The following DENND4C variants were observed in gnomAD, a reference collection of about 807,000 sequenced individuals.
DENND4C encodes the protein DENN domain-containing protein 4C.
In DENND4C, 108 loss-of-function variants were observed where a neutral mutation model predicts 203.0. The observed-to-expected ratio is 0.53, with a 90% confidence interval of 0.46 to 0.62. The LOEUF (loss-of-function observed/expected upper bound fraction) is 0.62, where lower values mean the gene tolerates loss of function less well. DENND4C is among the 20% of genes least tolerant of loss of function. DENND4C has a pLI of 0.00. For synonymous variants in DENND4C, 871 were observed against 792.4 expected (o/e 1.10, Z -1.67); for missense variants, 2,481 against 2,301.2 (o/e 1.08, Z -1.60).
At chr9:19,231,598 G>A (rs1399448671) in intron 1 of DENND4C, among the ~76,000 whole-genome samples, 1 of 149,996 alleles carries the variant, frequency 6.7e-6, no homozygotes, top group African/African-American at 2.5e-5. Flanking sequence ...CTCGAAGACC[G>A]TCTTTTATCT....
chr9:19,291,219 T>C (rs1292738748), intron 5 of DENND4C: 1 of 172,096 alleles, frequency 5.8e-6, no homozygotes, highest in African/African-American at 2.4e-5. Flanking sequence ...GACATTGAAA[T>C]GACAGAATGA....
intron 30 of DENND4C, among the ~76,000 whole-genome samples, chr9:19,368,176 CTA>C (rs1321187116): frequency 1.3e-5 from 2 of 151,332 alleles, no homozygotes; most frequent in African/African-American, 4.9e-5. Flanking sequence ...TATTCAAAGT[CTA>C]TCATTTAGCA....
intron 23 of DENND4C, 87 bp from the exon 24 acceptor site, chr9:19,350,615 G>C (rs1823877295): frequency 1.7e-6 from 2 of 1,143,090 alleles, no homozygotes; most frequent in Non-Finnish European, 2.4e-6. Flanking sequence ...GGATTATAGA[G>C]TTTAATTTTG....
rs754237209 is a variant in DENND4C, at chr9:19,300,236, G to T, written c.1216G>T (p.Ala406Ser). The change falls in exon 9 of 33, where the codon GCA becomes TCA. Residue 406 changes from alanine to serine, a missense_variant. This residue lies in a region of DENND4C where 2,289 missense variants were observed against 2,113.3 expected (regional missense o/e 1.08). Coordinates refer to ENST00000434457, the MANE Select transcript of DENND4C (RefSeq NM_001330640.2). ...AATGAATCTGGGTCCTGAGAATTGTGCAACACTGCTGCTCTTTGTTTTACT... is the reference window on the plus strand; with the variant it reads ...AATGAATCTGGGTCCTGAGAATTGTTCAACACTGCTGCTCTTTGTTTTACT... ...LLMNLGPENC[A>S]TLLLFVLLES... 5.6e-6 allele frequency: 9 copies of T among 1,612,806 alleles called. No individual in the cohort carries two copies. Among genetic ancestry groups the T allele is most frequent in the Non-Finnish European group, 5.1e-6 (6 of 1,179,094 alleles).
intron 1 of DENND4C, among the ~76,000 whole-genome samples, chr9:19,266,318 T>C (rs183192091): frequency 6.6e-6 from 1 of 152,334 alleles, no homozygotes; most frequent in Admixed American, 6.5e-5. Context: ...TGATTTTTTC[T>C]TGTAAATTTG....
At chr9:19,251,148 A>G (rs1396545082) in intron 1 of DENND4C, among the ~76,000 whole-genome samples, 4 of 152,142 alleles carry the variant, frequency 2.6e-5, no homozygotes, top group African/African-American at 7.2e-5. Flanking sequence ...AGGCATTTCC[A>G]TACATCCTCT....
At position 19,346,830 on chromosome 9, in the gene DENND4C, CTT is replaced by C; in HGVS notation, c.4064_4065del (p.Phe1355TyrfsTer14). 1 of 1,614,190 alleles carries C rather than the reference CTT, an allele frequency of 6.2e-7. No individual in the cohort carries two copies. The highest frequency in any genetic ancestry group is 8.5e-7 in the Non-Finnish European group (1 of 1,180,038). ...TCACCTGCAGTGTCCAGGTCTAAAA[CTT>C]TTACTGGGCGTTTCAAGCAGCAAAC... On this transcript the variant is annotated frameshift_variant, in exon 23 of 33. Coordinates refer to ENST00000434457, the MANE Select transcript of DENND4C (RefSeq NM_001330640.2). LOFTEE classifies it high-confidence loss of function.
chr9:19,305,863 C>G (rs1839548316), intron 10 of DENND4C, among the ~76,000 whole-genome samples: 1 of 152,134 alleles, frequency 6.6e-6, no homozygotes, highest in Non-Finnish European at 1.5e-5. Context: ...GGGTTTAATT[C>G]AAAATCCATA....
intron 1 of DENND4C, among the ~76,000 whole-genome samples, chr9:19,232,361 G>T (rs748241300): frequency 1.6e-4 from 25 of 152,052 alleles, no homozygotes; most frequent in Non-Finnish European, 3.2e-4. Context: ...ATAGTTTATT[G>T]AGATTAGGGG....
chr9:19,313,362 A>T (rs1004183045), intron 10 of DENND4C, among the ~76,000 whole-genome samples: 1 of 152,206 alleles, frequency 6.6e-6, no homozygotes. Flanking sequence ...AGCCCTGTAT[A>T]TTAGGTACAT....
intron 10 of DENND4C, among the ~76,000 whole-genome samples, chr9:19,312,775 G>T (rs6475320): frequency 0.84 from 128,263 of 152,182 alleles, 54,262 homozygotes; most frequent in East Asian, 0.99. Flanking sequence ...GTTCTGCAGT[G>T]AAATGAATAC....
chr9:19,289,329 T>G (rs1835813114), intron 4 of DENND4C, among the ~76,000 whole-genome samples: 1 of 152,222 alleles, frequency 6.6e-6, no homozygotes, highest in Non-Finnish European at 1.5e-5. Context: ...ACTGGAATAC[T>G]TCTTTGTGAA....
At chr9:19,323,965 C>G (rs573388033) in intron 12 of DENND4C, among the ~76,000 whole-genome samples, 4 of 152,254 alleles carry the variant, frequency 2.6e-5, no homozygotes, top group African/African-American at 9.6e-5. Context: ...CATTATGCCA[C>G]AAGTGGAAAA....
intron 26 of DENND4C, among the ~76,000 whole-genome samples, chr9:19,354,152 C>G (rs2132110336): frequency 6.6e-6 from 1 of 152,230 alleles, no homozygotes; most frequent in East Asian, 1.9e-4. Context: ...ATATGTACAT[C>G]TAGTTTATTC....
At chr9:19,297,549 T>C (rs1837711905) in intron 6 of DENND4C, among the ~76,000 whole-genome samples, 1 of 152,178 alleles carries the variant, frequency 6.6e-6, no homozygotes, top group South Asian at 2.1e-4. Flanking sequence ...ATATAATCAA[T>C]ATTTTTTTCA....
chr9:19,256,275 A>G (rs1342486906), intron 1 of DENND4C, among the ~76,000 whole-genome samples: 3 of 145,028 alleles, frequency 2.1e-5, no homozygotes, highest in Non-Finnish European at 4.6e-5. Context: ...TTTTAAAAAA[A>G]TTTTTCTTTT....
chr9:19,363,956 A>C (rs911720084), intron 30 of DENND4C, among the ~76,000 whole-genome samples: 2 of 151,984 alleles, frequency 1.3e-5, no homozygotes, highest in African/African-American at 4.8e-5. Flanking sequence ...AGAGGTTGCA[A>C]TGAGCCGAGA....
intron 12 of DENND4C, among the ~76,000 whole-genome samples, chr9:19,318,297 C>A (rs1003633693): frequency 6.6e-6 from 1 of 151,048 alleles, no homozygotes. Context: ...CCAGCCTGGG[C>A]GACAAGAGTG....
intron 20 of DENND4C, among the ~76,000 whole-genome samples, chr9:19,337,917 AG>A (rs1361980166): frequency 6.6e-6 from 1 of 152,180 alleles, no homozygotes. Flanking sequence ...TCTTATTTTG[AG>A]GTTGGTTTGT....
Sources: allele counts gnomAD v4.1 joint callset (sites outside exome capture counted in the v4.1 genomes callset), GRCh38; gene constraint gnomAD v4.1.1; regional missense constraint gnomAD v4.1.1; transcripts MANE v1.5; gene names NCBI Gene and HGNC (gene_info 2026-07-23, HGNC 2026-07-21).